Variants in PRKG1 observed in about 807,000 individuals in gnomAD.
PRKG1 encodes the protein protein kinase cGMP-dependent 1.
A neutral mutation model predicts 88.1 loss-of-function variants in PRKG1; 35 were observed. That is an observed-to-expected ratio of 0.40 (90% confidence interval 0.30 to 0.53). The LOEUF (loss-of-function observed/expected upper bound fraction) is 0.53, where lower values mean the gene tolerates loss of function less well. PRKG1 is among the 20% of genes least tolerant of loss of function. PRKG1 has a pLI of 0.59. For missense variants in PRKG1, 540 were observed against 839.8 expected, an observed-to-expected ratio of 0.64 and a Z score of 4.41; for synonymous variants, 303 against 292.5, an observed-to-expected ratio of 1.04 and a Z score of -0.37.
chr10:52,075,089 C>T lies in PRKG1; in HGVS notation c.935+12458C>T, dbSNP rs191587796. On this transcript the variant is annotated intron_variant, in intron 7 of 17. Coordinates refer to ENST00000373980, the MANE Select transcript of PRKG1 (RefSeq NM_006258.4). ...TCCACTAACTTTTCCTGGGCCATTT[C>T]GAAAAATGTCAATAAATAATCGTAT... 5.3e-5 allele frequency among the ~76,000 whole-genome samples: 8 copies of T among 152,010 alleles called. No individual in the cohort carries two copies. The East Asian group carries it at 7.7e-4, about 15-fold the overall frequency.
chr10:51,594,254 C>T (rs1395063123), intron 3 of PRKG1, among the ~76,000 whole-genome samples: 9 of 152,110 alleles, frequency 5.9e-5, no homozygotes, highest in Admixed American at 2.0e-4. Flanking sequence ...TCTTGAACTC[C>T]TGGCCACAAT....
At chr10:51,494,580 C>A (rs1840800868) in intron 3 of PRKG1, among the ~76,000 whole-genome samples, 1 of 152,122 alleles carries the variant, frequency 6.6e-6, no homozygotes, top group Non-Finnish European at 1.5e-5. Flanking sequence ...ATGGAGATAG[C>A]AAACATTGCC....
At chr10:51,035,516 C>T (rs567151760) in intron 1 of PRKG1, among the ~76,000 whole-genome samples, 3 of 152,074 alleles carry the variant, frequency 2.0e-5, no homozygotes, top group Admixed American at 6.6e-5. Flanking sequence ...CTGGGTGATA[C>T]CTGACTGGCA....
chr10:51,992,203 A>G (rs1315236131), intron 5 of PRKG1, among the ~76,000 whole-genome samples: 1 of 152,112 alleles, frequency 6.6e-6, no homozygotes, highest in Non-Finnish European at 1.5e-5. Flanking sequence ...CATGGCAATT[A>G]TATGCCCAAT....
intron 2 of PRKG1, among the ~76,000 whole-genome samples, chr10:51,323,220 T>C (rs1473678917): frequency 6.6e-6 from 1 of 152,222 alleles, no homozygotes; most frequent in Non-Finnish European, 1.5e-5. Flanking sequence ...GATATATTTA[T>C]GCATAGCACA....
intron 5 of PRKG1, among the ~76,000 whole-genome samples, chr10:52,017,536 G>A (rs1845071423): frequency 6.6e-6 from 1 of 152,188 alleles, no homozygotes; most frequent in Non-Finnish European, 1.5e-5. Context: ...GTACCTTGGT[G>A]ATTCCAAGGT....
At chr10:51,853,084 T>G (rs1018211445) in intron 4 of PRKG1, among the ~76,000 whole-genome samples, 2 of 152,134 alleles carry the variant, frequency 1.3e-5, no homozygotes, top group Non-Finnish European at 2.9e-5. Context: ...TTGAAGAAAG[T>G]AAGGGCTAGT....
At chr10:51,561,443 C>T (rs1484982784) in intron 3 of PRKG1, among the ~76,000 whole-genome samples, 1 of 152,054 alleles carries the variant, frequency 6.6e-6, no homozygotes, top group African/African-American at 2.4e-5. Context: ...CAGTAATAAC[C>T]GTTTACTGAG....
At chr10:52,014,402 C>T (rs1404816582) in intron 5 of PRKG1, among the ~76,000 whole-genome samples, 2 of 152,092 alleles carry the variant, frequency 1.3e-5, no homozygotes, top group African/African-American at 4.8e-5. Flanking sequence ...CTATCCCTAT[C>T]ATGATAACAC....
chr10:51,338,537 T>C (rs1445134955), intron 2 of PRKG1, among the ~76,000 whole-genome samples: 1 of 152,180 alleles, frequency 6.6e-6, no homozygotes, highest in Admixed American at 6.5e-5. Context: ...AGATGCCCTA[T>C]AAATACATGG....
At chr10:51,470,587 T>G (rs996272170) in intron 3 of PRKG1, among the ~76,000 whole-genome samples, 14 of 151,906 alleles carry the variant, frequency 9.2e-5, no homozygotes, top group Admixed American at 4.6e-4. Context: ...CTAGGTAGCA[T>G]TCAATAGTTT....
At chr10:51,704,994 T>C (rs1161803377) in intron 3 of PRKG1, among the ~76,000 whole-genome samples, 3 of 152,258 alleles carry the variant, frequency 2.0e-5, no homozygotes, top group African/African-American at 7.2e-5. Context: ...TTGTTCTTCC[T>C]ACATATAACA....
At chr10:51,432,217 G>A (rs1351016304) in intron 2 of PRKG1, among the ~76,000 whole-genome samples, 1 of 152,038 alleles carries the variant, frequency 6.6e-6, no homozygotes, top group African/African-American at 2.4e-5. Flanking sequence ...ATTTTTTATT[G>A]CTCAGACTAA....
intron 2 of PRKG1, among the ~76,000 whole-genome samples, chr10:51,466,808 A>G (rs1254573772): frequency 6.6e-6 from 1 of 152,090 alleles, no homozygotes; most frequent in African/African-American, 2.4e-5. Context: ...CTGGAGGAAC[A>G]TAGTTCCTTT....
At chr10:51,044,120 C>T (rs1228792215) in intron 1 of PRKG1, among the ~76,000 whole-genome samples, 5 of 152,134 alleles carry the variant, frequency 3.3e-5, no homozygotes, top group African/African-American at 9.7e-5. Flanking sequence ...GACATTAATC[C>T]TCCATGACTT....
chr10:52,095,646 A>C (rs754646544), intron 7 of PRKG1, among the ~76,000 whole-genome samples: 9 of 152,306 alleles, frequency 5.9e-5, no homozygotes, highest in East Asian at 1.9e-4. Context: ...TTATGTATTT[A>C]ATATTGAGCC....
At chr10:51,475,408 G>T (rs1366528239) in intron 3 of PRKG1, among the ~76,000 whole-genome samples, 2 of 151,904 alleles carry the variant, frequency 1.3e-5, no homozygotes, top group Non-Finnish European at 2.9e-5. Flanking sequence ...GGCCTTCCAG[G>T]TAATGCCCCT....
chr10:51,617,372 T>G (rs1229906851), intron 3 of PRKG1, among the ~76,000 whole-genome samples: 1 of 151,828 alleles, frequency 6.6e-6, no homozygotes, highest in African/African-American at 2.4e-5. Context: ...CTATTTTGGT[T>G]TTTAGGGGAG....
intron 8 of PRKG1, among the ~76,000 whole-genome samples, chr10:52,157,072 AATGTT>A (rs1838129460): frequency 1.3e-5 from 2 of 151,348 alleles, no homozygotes; most frequent in African/African-American, 2.4e-5. Context: ...ATCTGTTTTG[AATGTT>A]ATGAGACTTT....
Sources: gnomAD v4.1 joint callset for allele counts (sites outside exome capture counted in the v4.1 genomes callset) on GRCh38, gnomAD v4.1.1 for gene constraint, MANE v1.5 for transcripts, NCBI Gene and HGNC (gene_info 2026-07-23, HGNC 2026-07-21) for gene names.